Variants in PLCH1 observed in about 807,000 individuals in gnomAD.
PLCH1 encodes 1-phosphatidylinositol 4,5-bisphosphate phosphodiesterase eta-1.
PLCH1 carries 60 observed loss-of-function variants against 126.7 expected under a neutral mutation model. That is an observed-to-expected ratio of 0.47 (90% confidence interval 0.38 to 0.59). The LOEUF is 0.59. PLCH1 is among the 20% of genes least tolerant of loss of function. The pLI is 0.00. For synonymous variants in PLCH1, 719 were observed against 734.9 expected (o/e 0.98, Z 0.35); for missense variants, 1,723 against 2,040.0 (o/e 0.84, Z 2.99).
At chr3:155,555,664 T>A (rs1040490424) in intron 8 of PLCH1, among the ~76,000 whole-genome samples, 10 of 152,192 alleles carry the variant, frequency 6.6e-5, no homozygotes, top group African/African-American at 2.4e-4. Flanking sequence ...GGCTTGTTCT[T>A]CTGGTTAGGC....
intron 1 of PLCH1, among the ~76,000 whole-genome samples, chr3:155,709,783 A>G (rs1746958187): frequency 6.6e-6 from 1 of 151,998 alleles, no homozygotes; most frequent in South Asian, 2.1e-4. Context: ...ATGTCTGGCT[A>G]ATTTTTTGAC....
At chr3:155,723,444 A>G (rs1008930478) in intron 1 of PLCH1, among the ~76,000 whole-genome samples, 4 of 147,990 alleles carry the variant, frequency 2.7e-5, no homozygotes, top group African/African-American at 1.0e-4. Flanking sequence ...TTCTGCTCTG[A>G]TCTTCATTAT....
intron 10 of PLCH1, among the ~76,000 whole-genome samples, chr3:155,544,358 C>A (rs568705163): frequency 2.3e-4 from 35 of 152,236 alleles, no homozygotes; most frequent in African/African-American, 8.2e-4. Context: ...ATATATGCAC[C>A]CAATACAGGA....
At chr3:155,718,653 G>T (rs755523814) in intron 1 of PLCH1, among the ~76,000 whole-genome samples, 10 of 152,064 alleles carry the variant, frequency 6.6e-5, no homozygotes, top group Non-Finnish European at 1.5e-4. Flanking sequence ...GTGAGTGCGG[G>T]GGGGAGGTGC....
At chr3:155,525,687 C>T (rs1721803572) in intron 10 of PLCH1, among the ~76,000 whole-genome samples, 1 of 152,166 alleles carries the variant, frequency 6.6e-6, no homozygotes, top group Non-Finnish European at 1.5e-5. Flanking sequence ...AGCTTGAGCA[C>T]CTCCCCCAGG....
rs578224113 is a variant in PLCH1, at chr3:155,488,735, G to A, written c.2464C>T (p.Leu822Phe). The A allele has an allele frequency of 7.9e-5, 127 of 1,613,764 alleles. No homozygotes were observed. Among genetic ancestry groups the A allele is most frequent in the South Asian group, 1.9e-4 (17 of 91,062 alleles). ...CCAATGGGATCGTGATCCCACACAA[G>A]GAACCGAACCAAAGCTATTTCTGGC... is the stretch of plus-strand genomic sequence containing the variant. ...HMPEIALVRF[L>F]VWDHDPIGRD... The change falls in exon 20 of 23, where the codon CTT becomes TTT. Residue 822 changes from leucine (L) to phenylalanine (F), a missense_variant. Leu to Phe is a conservative substitution (Grantham distance 22, BLOSUM62 0). Around this residue, in one of 2 missense-constraint regions of PLCH1, gnomAD observed 776 missense variants for 1,062.9 expected, o/e 0.73. Transcript: ENST00000460012.
At chr3:155,655,786 G>A (rs1157095808) in intron 2 of PLCH1, among the ~76,000 whole-genome samples, 4 of 151,726 alleles carry the variant, frequency 2.6e-5, no homozygotes, top group Admixed American at 6.6e-5. Flanking sequence ...AAAAAGAAAG[G>A]GTCCCACCCA....
At chr3:155,595,194 GGCTGGAATCACAGAGATTA>G (rs1732817454) in intron 3 of PLCH1, among the ~76,000 whole-genome samples, 1 of 152,198 alleles carries the variant, frequency 6.6e-6, no homozygotes, top group Admixed American at 6.5e-5. Flanking sequence ...ATTGTGGAGT[GGCTGGAATCACAGAGATTA>G]GCATTATTTA....
chr3:155,589,007 T>A lies in PLCH1; in HGVS notation c.471-2813A>T, dbSNP rs148770133. 4.2e-3 allele frequency among the ~76,000 whole-genome samples: 638 copies of A among 152,276 alleles called. 1 individual carries two copies. The highest frequency in any genetic ancestry group is 7.1e-3 in the Admixed American group (108 of 15,294). On this transcript the variant is annotated intron_variant, in intron 4 of 22. Coordinates refer to ENST00000460012, the MANE Select transcript of PLCH1 (RefSeq NM_014996.4). ...ATGTTCTTCATAATTAAGATATGAG[T>A]GTCCAATAAAGCCCTGAATTAATAA...
chr3:155,565,983 C>A lies in PLCH1; in HGVS notation c.866-865G>T, dbSNP rs1264293155. On this transcript the variant is annotated intron_variant, in intron 7 of 22. Coordinates refer to ENST00000460012, the MANE Select transcript of PLCH1 (RefSeq NM_014996.4). ...AAAGTGCTGAGATTACAGGCGTGAGCCACTGTGCCCGGCCAGGTATTTCCT... is the reference window on the plus strand; with the variant it reads ...AAAGTGCTGAGATTACAGGCGTGAGACACTGTGCCCGGCCAGGTATTTCCT... Among the ~76,000 whole-genome samples the A allele has an allele frequency of 2.0e-5, 3 of 151,224 alleles. No individual in the cohort carries two copies. In the East Asian group the frequency reaches 5.8e-4, roughly 29 times the overall value.
rs1164895595 is a variant in PLCH1, at chr3:155,523,990, A to C, written c.1377T>G (p.Pro459=). The C allele has an allele frequency of 1.3e-6, 2 of 1,591,166 alleles. No individual in the cohort carries two copies. The highest frequency in any genetic ancestry group is 1.1e-5 in the South Asian group (1 of 89,768). ...GKILVKGKKL[P]YHLGDDAEEG... ...CCTCTGCATCATCCCCAAGGTGATA[A>C]GGCAACTTCTTACCCTGAAATGGAA... The change falls in exon 11 of 23, where the codon CCT becomes CCG. Residue 459 remains proline, a synonymous_variant. Transcript: ENST00000460012.
chr3:155,587,102 A>G (rs575642451), intron 4 of PLCH1, among the ~76,000 whole-genome samples: 9 of 152,256 alleles, frequency 5.9e-5, no homozygotes, highest in Admixed American at 1.3e-4. Context: ...TTGTGTCCCT[A>G]TTAGTTCTCA....
At position 155,594,117 on chromosome 3, in the gene PLCH1, C is replaced by T; in HGVS notation, c.294G>A (p.Glu98=). The change falls in exon 4 of 23, where the codon GAG becomes GAA. Residue 98 remains glutamate (E), a synonymous_variant. Transcript: ENST00000460012. The part of the protein sequence containing the change: ...RQSEIFHRQA[E]GNFDPSCCFT... ...AGCAGCAGCTGGGGTCGAAGTTCCC[C>T]TCAGCTTGTCTGTGGAATATTTCAG... 2 of 1,614,094 alleles carry T rather than the reference C, an allele frequency of 1.2e-6. No homozygotes were observed. The highest frequency in any genetic ancestry group is 1.7e-6 in the Non-Finnish European group (2 of 1,179,998).
At chr3:155,530,909 A>T (rs929803619) in intron 10 of PLCH1, among the ~76,000 whole-genome samples, 3 of 152,218 alleles carry the variant, frequency 2.0e-5, no homozygotes, top group Non-Finnish European at 4.4e-5. Flanking sequence ...TACAGAATAG[A>T]TGTTGTGTAG....
At chr3:155,675,462 T>C (rs1457707627) in intron 2 of PLCH1, among the ~76,000 whole-genome samples, 2 of 152,224 alleles carry the variant, frequency 1.3e-5, no homozygotes, top group Admixed American at 1.3e-4. Context: ...GGATCCTGCC[T>C]CCATTTTATC....
chr3:155,696,351 G>T lies in PLCH1; in HGVS notation c.79+7795C>A, dbSNP rs573532353. Among the ~76,000 whole-genome samples, 81 of 152,126 alleles carry T rather than the reference G, an allele frequency of 5.3e-4. 1 individual carries two copies. Among genetic ancestry groups the T allele is most frequent in the Admixed American group, 1.7e-3 (26 of 15,286 alleles). The stretch of plus-strand genomic sequence containing the variant: ...TCTTTTGATAGATAGGAGATTGGAG[G>T]GTTTCATGATTACAAACACAATCAC... On this transcript the variant is annotated intron_variant, in intron 2 of 22. Coordinates refer to ENST00000460012, the MANE Select transcript of PLCH1 (RefSeq NM_014996.4).
At chr3:155,627,136 A>G (rs1210104103) in intron 2 of PLCH1, among the ~76,000 whole-genome samples, 2 of 152,234 alleles carry the variant, frequency 1.3e-5, no homozygotes, top group Non-Finnish European at 2.9e-5. Flanking sequence ...GGCTAATACC[A>G]AGATTATGAA....
At chr3:155,645,592 C>T (rs1001443387) in intron 2 of PLCH1, among the ~76,000 whole-genome samples, 4 of 152,124 alleles carry the variant, frequency 2.6e-5, no homozygotes, top group Non-Finnish European at 5.9e-5. Context: ...TTGATTCTTC[C>T]ACCTCAGCCT....
At chr3:155,650,964 G>A (rs1305338943) in intron 2 of PLCH1, among the ~76,000 whole-genome samples, 1 of 152,040 alleles carries the variant, frequency 6.6e-6, no homozygotes, top group African/African-American at 2.4e-5. Context: ...CTTGAATCTG[G>A]AAGGCGGAGG....
Sources: allele counts gnomAD v4.1 joint callset (sites outside exome capture counted in the v4.1 genomes callset), GRCh38; gene constraint gnomAD v4.1.1; regional missense constraint gnomAD v4.1.1; transcripts MANE v1.5; gene names NCBI Gene and HGNC (gene_info 2026-07-23, HGNC 2026-07-21).